DOCK7: variants seen among roughly 807,000 people sequenced by gnomAD.
DOCK7 encodes dedicator of cytokinesis protein 7.
A neutral mutation model predicts 271.0 loss-of-function variants in DOCK7; 138 were observed. The observed-to-expected ratio is 0.51, with a 90% confidence interval of 0.44 to 0.59. The LOEUF is 0.59. Ranked by LOEUF, DOCK7 falls within the 20% of genes least tolerant of loss-of-function variation. The probability of loss-of-function intolerance (pLI) is 0.00; values close to 1 mark genes in which losing one functional copy is unlikely to be tolerated. For missense variants in DOCK7, 2,066 were observed against 2,592.4 expected (o/e 0.80, Z 4.41); for synonymous variants, 823 against 876.1 (o/e 0.94, Z 1.07).
intron 41 of DOCK7, 102 bp from the exon 42 acceptor site, chr1:62,489,167 A>T: frequency 2.6e-6 from 3 of 1,156,870 alleles, no homozygotes; most frequent in South Asian, 1.7e-5. Context: ...TAATACACTG[A>T]GGCCAGACGC....
At chr1:62,489,522 T>TTGTATTAATAC (rs1646397506) in intron 41 of DOCK7, among the ~76,000 whole-genome samples, 1 of 152,194 alleles carries the variant, frequency 6.6e-6, no homozygotes, top group Non-Finnish European at 1.5e-5. Context: ...CTACTAATTT[T>TTGTATTAATAC]TAACTGTATT....
chr1:62,493,246 G>A (rs1646517013), intron 40 of DOCK7, among the ~76,000 whole-genome samples: 1 of 152,054 alleles, frequency 6.6e-6, no homozygotes, highest in African/African-American at 2.4e-5. Context: ...CGGAGTTAAT[G>A]AAAAAAGTCA....
At chr1:62,485,807 T>A in intron 43 of DOCK7, 1 of 693,884 alleles carries the variant, frequency 1.4e-6, no homozygotes, top group Non-Finnish European at 1.8e-6. Context: ...GGCATCCATT[T>A]AAGTTTTACA....
At position 62,535,574 on chromosome 1, in the gene DOCK7, G is replaced by A. The variant is rs1438314720; in HGVS notation, c.3530C>T (p.Ser1177Phe). 6.2e-7 allele frequency: 1 copy of A among 1,614,032 alleles called. No individual in the cohort carries two copies. The highest frequency in any genetic ancestry group is 1.7e-5 in the Admixed American group (1 of 60,016). The part of the protein sequence containing the change: ...DQKIANMFEL[S>F]VPFRQQHYLA... ...ATAATGCTGTTGGCGGAAAGGCACG[G>A]ATAATTCAAACATATTTGCAATCTT... Residue 1177 changes from serine (S) to phenylalanine (F), a missense_variant, in exon 29 of 50, where the codon TCC becomes TTC. Physicochemically the swap from Ser to Phe is radical, Grantham distance 155. Around this residue, in one of 2 missense-constraint regions of DOCK7, gnomAD observed 1,414 missense variants for 1,670.4 expected, o/e 0.85. Coordinates refer to ENST00000635253, the MANE Select transcript of DOCK7 (RefSeq NM_001367561.1).
chr1:62,579,835 A>AC (rs1472707947), intron 16 of DOCK7, among the ~76,000 whole-genome samples: 2 of 151,678 alleles, frequency 1.3e-5, no homozygotes, highest in Non-Finnish European at 2.9e-5. Flanking sequence ...AACAAAAAAA[A>AC]CCAGTAAAAT....
intron 4 of DOCK7, among the ~76,000 whole-genome samples, chr1:62,652,202 G>C (rs1162138524): frequency 6.6e-6 from 1 of 152,098 alleles, no homozygotes; most frequent in Admixed American, 6.6e-5. Flanking sequence ...GCATTCACTG[G>C]TTCTGAGCTT....
chr1:62,588,219 C>T (rs554606413), intron 14 of DOCK7, among the ~76,000 whole-genome samples: 1 of 152,262 alleles, frequency 6.6e-6, no homozygotes, highest in South Asian at 2.1e-4. Flanking sequence ...GCTGATTGCT[C>T]CAACAAATGT....
chr1:62,514,079 A>T (rs1644586090), intron 31 of DOCK7, among the ~76,000 whole-genome samples, 181 bp from the exon 32 acceptor site: 2 of 152,220 alleles, frequency 1.3e-5, no homozygotes, highest in African/African-American at 4.8e-5. Flanking sequence ...TAAGGTTAAG[A>T]GCCTGAAGTT....
intron 34 of DOCK7, 104 bp from the exon 35 acceptor site, chr1:62,508,162 T>C: frequency 9.9e-7 from 1 of 1,014,014 alleles, no homozygotes; most frequent in South Asian, 1.9e-5. Context: ...CCATTTTCAA[T>C]ATTTGCCTGA....
chr1:62,635,974 A>G (rs1655216960), intron 8 of DOCK7, among the ~76,000 whole-genome samples: 1 of 152,020 alleles, frequency 6.6e-6, no homozygotes, highest in African/African-American at 2.4e-5. Context: ...AAATGTTGTA[A>G]AATAACCTTC....
chr1:62,504,367 A>C (rs1256141214), intron 37 of DOCK7, among the ~76,000 whole-genome samples: 1 of 152,226 alleles, frequency 6.6e-6, no homozygotes, highest in Non-Finnish European at 1.5e-5. Context: ...GGGACAATTA[A>C]AATTTAAAAC....
chr1:62,510,949 A>G, intron 33 of DOCK7: 2 of 335,574 alleles, frequency 6.0e-6, no homozygotes, highest in Non-Finnish European at 1.1e-5. Flanking sequence ...AATCTTAACC[A>G]TGGCTTATAA....
intron 1 of DOCK7, among the ~76,000 whole-genome samples, chr1:62,664,161 G>A (rs1659000643): frequency 6.6e-6 from 1 of 152,148 alleles, no homozygotes; most frequent in African/African-American, 2.4e-5. Context: ...TGGTTGTCAG[G>A]GGCTAGAGTG....
chr1:62,528,226 C>A lies in DOCK7; in HGVS notation c.3861G>T (p.Gln1287His), dbSNP rs772803346. Reference sequence around the variant, plus strand: ...TCCCTGCGATTGCCATGGCAACGGTCTGGCTTATCATACTTCCGCTCTCAC... The same window carrying A: ...TCCCTGCGATTGCCATGGCAACGGTATGGCTTATCATACTTCCGCTCTCAC... ...YESESGSMIS[Q>H]TVAMAIAGTS... Residue 1287 changes from glutamine to histidine, a missense_variant, in exon 31 of 50, where the codon CAG becomes CAT. Physicochemically the swap from Gln to His is conservative, Grantham distance 24. Around this residue, in one of 2 missense-constraint regions of DOCK7, gnomAD observed 1,414 missense variants for 1,670.4 expected, o/e 0.85. Transcript: ENST00000635253. 6.2e-7 allele frequency: 1 copy of A among 1,613,816 alleles called. No homozygotes were observed. Among genetic ancestry groups the A allele is most frequent in the Non-Finnish European group, 8.5e-7 (1 of 1,179,868 alleles).
chr1:62,572,917 T>C (rs1408342380), intron 18 of DOCK7, among the ~76,000 whole-genome samples: 1 of 152,178 alleles, frequency 6.6e-6, no homozygotes, highest in Admixed American at 6.5e-5. Context: ...CAAAAGCATA[T>C]AGATTTTTAA....
At position 62,568,888 on chromosome 1, in the gene DOCK7, A is replaced by G. The variant is rs61996683; in HGVS notation, c.2113-7185T>C. On this transcript the variant is annotated intron_variant, in intron 18 of 49. Coordinates refer to ENST00000635253, the MANE Select transcript of DOCK7 (RefSeq NM_001367561.1). ...AAAAAGAGAAGAATCAAATAGACAC[A>G]ATAAAAAATGATAAAGGGGATACCA... is the stretch of plus-strand genomic sequence containing the variant. Among the ~76,000 whole-genome samples, 15 of 152,042 alleles carry G rather than the reference A, an allele frequency of 9.9e-5. No homozygotes were observed. The South Asian group carries it at 3.1e-3, about 32-fold the overall frequency.
chr1:62,531,759 T>C (rs1645181018), intron 29 of DOCK7, among the ~76,000 whole-genome samples: 1 of 152,230 alleles, frequency 6.6e-6, no homozygotes, highest in African/African-American at 2.4e-5. Context: ...ATAATCTATA[T>C]ACCTCCCAAG....
chr1:62,521,788 C>T (rs1443265198), intron 31 of DOCK7, among the ~76,000 whole-genome samples: 1 of 152,006 alleles, frequency 6.6e-6, no homozygotes, highest in East Asian at 1.9e-4. Flanking sequence ...CTAGTCTGGC[C>T]AACGTAGTGA....
At chr1:62,658,348 G>T (rs905799797) in intron 2 of DOCK7, among the ~76,000 whole-genome samples, 2 of 151,880 alleles carry the variant, frequency 1.3e-5, no homozygotes, top group Non-Finnish European at 2.9e-5. Flanking sequence ...CAGCTACTCG[G>T]GAGGCTGCGG....
Sources: allele counts gnomAD v4.1 joint callset (sites outside exome capture counted in the v4.1 genomes callset), GRCh38; gene constraint gnomAD v4.1.1; regional missense constraint gnomAD v4.1.1; transcripts MANE v1.5; gene names NCBI Gene and HGNC (gene_info 2026-07-23, HGNC 2026-07-21).